Variants in NRG3 observed in about 807,000 individuals in gnomAD.
NRG3 encodes pro-neuregulin-3, membrane-bound isoform.
Under a neutral mutation model 66.9 loss-of-function variants are expected in NRG3, and 31 were observed. The observed-to-expected ratio is 0.46, with a 90% CI of 0.35 to 0.63. The LOEUF is 0.63. Among genes scored for constraint, NRG3 ranks in the 20% least tolerant of loss-of-function variants. The probability of loss-of-function intolerance (pLI) is 0.00; values close to 1 mark genes in which losing one functional copy is unlikely to be tolerated. For missense variants in NRG3, 910 were observed against 878.9 expected (o/e 1.04, Z -0.45); for synonymous variants, 393 against 359.4 (o/e 1.09, Z -1.06).
At chr10:82,040,033 A>C (rs2062961074) in intron 1 of NRG3, among the ~76,000 whole-genome samples, 1 of 152,112 alleles carries the variant, frequency 6.6e-6, no homozygotes, top group Non-Finnish European at 1.5e-5. Context: ...AGGGTTAAGA[A>C]GGAGGATTCA....
At chr10:82,223,255 C>A (rs2076021148) in intron 1 of NRG3, among the ~76,000 whole-genome samples, 1 of 152,130 alleles carries the variant, frequency 6.6e-6, no homozygotes, top group Non-Finnish European at 1.5e-5. Flanking sequence ...GGAGAGCCAA[C>A]CAAGGGTCTA....
intron 2 of NRG3, among the ~76,000 whole-genome samples, chr10:82,421,728 C>T (rs2089092335): frequency 6.6e-6 from 1 of 152,044 alleles, no homozygotes; most frequent in South Asian, 2.1e-4. Flanking sequence ...CATCTGCTTG[C>T]TCCTTTAAAT....
At chr10:82,395,912 TA>T (rs1023677501) in intron 2 of NRG3, among the ~76,000 whole-genome samples, 1 of 152,100 alleles carries the variant, frequency 6.6e-6, no homozygotes, top group Non-Finnish European at 1.5e-5. Flanking sequence ...TATAGAGAAA[TA>T]AAAAAATAGA....
At chr10:81,876,198 A>G (rs369877218) in intron 1 of NRG3, 35 bp downstream of exon 1, 31 of 1,538,400 alleles carry the variant, frequency 2.0e-5, no homozygotes, top group African/African-American at 1.1e-4. Flanking sequence ...ATGATTTACT[A>G]CTGAGTTTCC....
chr10:82,829,163 A>T (rs1400632281), intron 3 of NRG3, among the ~76,000 whole-genome samples: 1 of 152,076 alleles, frequency 6.6e-6, no homozygotes, highest in African/African-American at 2.4e-5. Flanking sequence ...CCTATATTGG[A>T]TACAAAGTCT....
At chr10:82,153,220 A>G (rs1268433711) in intron 1 of NRG3, among the ~76,000 whole-genome samples, 4 of 152,056 alleles carry the variant, frequency 2.6e-5, no homozygotes, top group African/African-American at 9.7e-5. Context: ...TCTCCCTATC[A>G]ACCTCTGATA....
At chr10:82,320,139 A>T (rs749840059) in intron 1 of NRG3, among the ~76,000 whole-genome samples, 1 of 152,170 alleles carries the variant, frequency 6.6e-6, no homozygotes, top group Non-Finnish European at 1.5e-5. Context: ...CTCAGAAATG[A>T]TTTCTTCTGA....
intron 3 of NRG3, among the ~76,000 whole-genome samples, chr10:82,793,915 A>T (rs2060690075): frequency 6.6e-6 from 1 of 152,172 alleles, no homozygotes; most frequent in African/African-American, 2.4e-5. Context: ...AATATTTTAT[A>T]TTAAAGTATA....
intron 1 of NRG3, among the ~76,000 whole-genome samples, chr10:82,316,636 T>C (rs1259612094): frequency 6.6e-6 from 1 of 152,162 alleles, no homozygotes; most frequent in African/African-American, 2.4e-5. Flanking sequence ...TGTCATTTGC[T>C]CCATTTTGTC....
intron 1 of NRG3, among the ~76,000 whole-genome samples, chr10:82,251,452 A>T (rs1228673169): frequency 6.6e-6 from 1 of 152,034 alleles, no homozygotes; most frequent in Admixed American, 6.6e-5. Flanking sequence ...CTCTGACTCC[A>T]CATGGGAGTG....
At chr10:82,577,746 G>C (rs1304283382) in intron 2 of NRG3, among the ~76,000 whole-genome samples, 1 of 151,682 alleles carries the variant, frequency 6.6e-6, no homozygotes, top group Non-Finnish European at 1.5e-5. Flanking sequence ...TATGTTAATG[G>C]ATTAGAAGGA....
chr10:82,560,121 C>A (rs942751208), intron 2 of NRG3, among the ~76,000 whole-genome samples: 1 of 151,048 alleles, frequency 6.6e-6, no homozygotes, highest in Non-Finnish European at 1.5e-5. Flanking sequence ...CTTTTTAATT[C>A]TCATTTTTGC....
intron 2 of NRG3, among the ~76,000 whole-genome samples, chr10:82,687,990 C>T (rs73297799): frequency 0.07 from 10,590 of 152,174 alleles, 1,138 homozygotes; most frequent in African/African-American, 0.23. Context: ...TCCTGCCAGG[C>T]ACCTCACATT....
At chr10:82,765,661 C>G (rs1213522509) in intron 3 of NRG3, among the ~76,000 whole-genome samples, 1 of 152,108 alleles carries the variant, frequency 6.6e-6, no homozygotes, top group Non-Finnish European at 1.5e-5. Flanking sequence ...TTTTACTTTT[C>G]TCTTTTCCTC....
At chr10:82,244,728 A>T (rs1392377227) in intron 1 of NRG3, among the ~76,000 whole-genome samples, 1 of 151,986 alleles carries the variant, frequency 6.6e-6, no homozygotes, top group African/African-American at 2.4e-5. Flanking sequence ...AGTGCATTAC[A>T]ATTATTGATT....
At position 82,625,976 on chromosome 10, in the gene NRG3, A is replaced by G. The variant is rs113162032; in HGVS notation, c.954-112601A>G. Reference sequence around the variant, plus strand: ...ATGTAATAAAGACCAATGTAAGGCTAATTGGATTGGACTCTGCATTCTGCC... The same window carrying G: ...ATGTAATAAAGACCAATGTAAGGCTGATTGGATTGGACTCTGCATTCTGCC... On this transcript the variant is annotated intron_variant, in intron 2 of 8. Transcript: ENST00000372141. 5.1e-3 allele frequency among the ~76,000 whole-genome samples: 773 copies of G among 152,284 alleles called. 3 individuals are homozygous for G. The highest frequency in any genetic ancestry group is 0.018 in the African/African-American group (732 of 41,560).
chr10:82,071,604 A>C (rs923998269), intron 1 of NRG3, among the ~76,000 whole-genome samples: 1 of 152,194 alleles, frequency 6.6e-6, no homozygotes, highest in Non-Finnish European at 1.5e-5. Flanking sequence ...GAGGTTGCAG[A>C]GAATGAAGAG....
intron 1 of NRG3, among the ~76,000 whole-genome samples, chr10:82,340,091 A>G (rs2082602786): frequency 6.6e-6 from 1 of 152,104 alleles, no homozygotes; most frequent in Non-Finnish European, 1.5e-5. Context: ...CTTTGTTTGC[A>G]CCGTGATTTG....
chr10:82,413,171 A>G (rs115890183), intron 2 of NRG3, among the ~76,000 whole-genome samples: 380 of 152,316 alleles, frequency 2.5e-3, no homozygotes, highest in African/African-American at 8.7e-3. Flanking sequence ...AGGAATCACT[A>G]TCTATGGCAC....
Sources: allele counts gnomAD v4.1 joint callset (sites outside exome capture counted in the v4.1 genomes callset), GRCh38; gene constraint gnomAD v4.1.1; transcripts MANE v1.5; gene names NCBI Gene and HGNC (gene_info 2026-07-23, HGNC 2026-07-21).